The following LCOR variants were observed in gnomAD, a reference collection of about 807,000 sequenced individuals.
LCOR encodes the protein ligand-dependent corepressor.
Under a neutral mutation model 64.4 loss-of-function variants are expected in LCOR, and 14 were observed. That is an observed-to-expected ratio of 0.22 (90% confidence interval 0.14 to 0.34). The LOEUF (loss-of-function observed/expected upper bound fraction) is 0.34. LCOR is among the 10% of genes least tolerant of loss of function. The pLI, the probability that LCOR is intolerant of heterozygous loss-of-function variation, is 1.00. For synonymous variants in LCOR, 643 were observed against 642.5 expected (o/e 1.00, Z -0.01); for missense variants, 1,686 against 1,765.3 (o/e 0.96, Z 0.80).
chr10:96,919,625 G>T (rs2134469704), intron 4 of LCOR, among the ~76,000 whole-genome samples: 1 of 152,134 alleles, frequency 6.6e-6, no homozygotes, highest in South Asian at 2.1e-4. Context: ...TTGTAAAATG[G>T]AAACTCTTTG....
At chr10:96,844,486 C>T (rs1010384178) in intron 2 of LCOR, among the ~76,000 whole-genome samples, 3 of 152,042 alleles carry the variant, frequency 2.0e-5, no homozygotes, top group Admixed American at 6.6e-5. Flanking sequence ...TTTGGTTTCT[C>T]TACCCATAAT....
Position 96,934,244 on chromosome 10 carries a change from A to G in LCOR, c.-183-9869A>G, listed in dbSNP as rs192576744. ...TTTTTGTGTAACTGAATTTAAGCCA[A>G]AAGTCCATTAAGTAAACAGTATAGG... On this transcript the variant is annotated intron_variant, in intron 4 of 7. Coordinates refer to ENST00000421806, the MANE Select transcript of LCOR (RefSeq NM_001346516.2). 6.3e-3 allele frequency among the ~76,000 whole-genome samples: 964 copies of G among 152,336 alleles called. 12 individuals carry two copies. Among genetic ancestry groups the G allele is most frequent in the African/African-American group, 0.022 (906 of 41,574 alleles).
At chr10:96,844,095 C>T (rs7910762) in intron 2 of LCOR, among the ~76,000 whole-genome samples, 2 of 99,494 alleles carry the variant, frequency 2.0e-5, no homozygotes, top group African/African-American at 1.2e-4. Context: ...TTCCCACCCT[C>T]CCTCCCTCCC....
rs1848095833 is a variant in LCOR, at chr10:96,982,252, A to C, written c.1792A>C (p.Ile598Leu). Residue 598 changes from isoleucine (I) to leucine (L), a missense_variant, in exon 8 of 8, where the codon ATT (isoleucine) becomes CTT (leucine). Transcript: ENST00000421806. ...AGAGCCTGAGGTTTGCCCCACAAAG[A>C]TTAAGCCGAACCTGAGCAGCTCCCC... is the stretch of plus-strand genomic sequence containing the variant. ...PQEPEVCPTK[I>L]KPNLSSSPRS... 5 of 1,614,168 alleles carry C rather than the reference A, an allele frequency of 3.1e-6. No homozygotes were observed. Among genetic ancestry groups the C allele is most frequent in the Non-Finnish European group, 4.2e-6 (5 of 1,180,030 alleles).
intron 7 of LCOR, among the ~76,000 whole-genome samples, chr10:96,978,972 A>G (rs1848059958): frequency 6.6e-6 from 1 of 152,224 alleles, no homozygotes; most frequent in Admixed American, 6.5e-5. Flanking sequence ...GAGATGACGT[A>G]ACTTGCCTAA....
At chr10:96,891,980 CTT>C (rs1337891238) in intron 2 of LCOR, among the ~76,000 whole-genome samples, 2 of 152,264 alleles carry the variant, frequency 1.3e-5, no homozygotes, top group East Asian at 3.9e-4. Context: ...TGATTTCAGT[CTT>C]TTGAAATTTA....
At chr10:96,938,239 AC>A (rs754694698) in intron 4 of LCOR, among the ~76,000 whole-genome samples, 9 of 143,410 alleles carry the variant, frequency 6.3e-5, no homozygotes, top group Non-Finnish European at 1.2e-4. Flanking sequence ...GAGCCGCTGT[AC>A]CTGGCTGGTT....
intron 2 of LCOR, among the ~76,000 whole-genome samples, chr10:96,834,007 G>A (rs900547592): frequency 2.6e-5 from 4 of 152,046 alleles, no homozygotes; most frequent in African/African-American, 9.7e-5. Context: ...TTGACAGGAG[G>A]GTCTGCCCTT....
chr10:96,952,911 T>C (rs1261173386), intron 7 of LCOR, among the ~76,000 whole-genome samples: 1 of 152,192 alleles, frequency 6.6e-6, no homozygotes, highest in Non-Finnish European at 1.5e-5. Flanking sequence ...AAATCAACTT[T>C]AGATATGAAA....
chr10:96,884,082 A>C (rs1421912042), intron 2 of LCOR, among the ~76,000 whole-genome samples: 1 of 152,200 alleles, frequency 6.6e-6, no homozygotes, highest in Non-Finnish European at 1.5e-5. Flanking sequence ...TAAATTATTC[A>C]AGTTCAGGGA....
rs1564595455 is a variant in LCOR, at chr10:96,833,470, C to T, written c.-339C>T. 3.0e-6 allele frequency: 3 copies of T among 985,926 alleles called. No homozygotes were observed. The highest frequency in any genetic ancestry group is 3.6e-6 in the Non-Finnish European group (3 of 829,970). The allele number at this position is 985,926 out of a possible 1,614,324, so 61.1% of individuals were successfully genotyped here. ...GGGCTTAACTCATATATTTAACCCC[C>T]CTCCAAAAAGTAAGTGGCCCGTGTG... On this transcript the variant is annotated 5_prime_UTR_variant, in exon 2 of 8. Coordinates refer to ENST00000421806, the MANE Select transcript of LCOR (RefSeq NM_001346516.2).
Position 96,980,826 on chromosome 10 carries a change from T to G in LCOR, c.366T>G (p.Ser122=). 1 of 702,944 alleles carries G rather than the reference T, an allele frequency of 1.4e-6. No individual in the cohort carries two copies. The highest frequency in any genetic ancestry group is 2.6e-6 in the Non-Finnish European group (1 of 384,942). 43.5% of individuals were successfully genotyped at this position (702,944 alleles called of 1,614,324 possible). ...CAACAGAGGCAAAAGCAGTAGATTC[T>G]AACAATCAGTCGAAGTCCCCACTGG... ...ENSTEAKAVD[S]NNQSKSPLEK... Residue 122 remains serine, a synonymous_variant, in exon 8 of 8, where the codon TCT becomes TCG. Transcript: ENST00000421806.
chr10:96,947,058 C>T (rs1847601484), intron 5 of LCOR, among the ~76,000 whole-genome samples: 1 of 152,016 alleles, frequency 6.6e-6, no homozygotes, highest in African/African-American at 2.4e-5. Context: ...CGTTAAATGA[C>T]TGTTTGGAAA....
intron 2 of LCOR, among the ~76,000 whole-genome samples, chr10:96,904,922 C>T (rs751334403): frequency 5.3e-5 from 8 of 152,126 alleles, no homozygotes; most frequent in African/African-American, 1.4e-4. Flanking sequence ...TAGCAAAATA[C>T]GACTTTACAG....
intron 7 of LCOR, among the ~76,000 whole-genome samples, chr10:96,976,034 T>C (rs1489203074): frequency 6.6e-6 from 1 of 152,110 alleles, no homozygotes; most frequent in Non-Finnish European, 1.5e-5. Context: ...AATTGAGTTT[T>C]ACCAAGCACA....
At position 96,995,082 on chromosome 10, in the gene LCOR, T is replaced by C. The variant is rs1240524641; in HGVS notation, c.*9948T>C. ...GTGCCACGTTGGATTTTTATTCTTA[T>C]TAGGCCGCAACCTTTCTGAATGAGT... On this transcript the variant is annotated 3_prime_UTR_variant, in exon 8 of 8. Transcript: ENST00000421806. The surrounding 1 kb of genome is among the most constrained non-coding windows in gnomAD (Gnocchi z 4.2). 1 of 152,254 alleles carries C rather than the reference T, an allele frequency of 6.6e-6. No individual in the cohort carries two copies. The highest frequency in any genetic ancestry group is 1.5e-5 in the Non-Finnish European group (1 of 68,048). The allele number at this position is 152,254 out of a possible 1,614,324, so 9.4% of individuals were successfully genotyped here. A position where few individuals can be genotyped will look rare whatever the true frequency, so the allele number is the denominator to read the frequency against.
At position 96,980,902 on chromosome 10, in the gene LCOR, G is replaced by A; in HGVS notation, c.442G>A (p.Val148Ile). ...CTHHQKQFIRVLNDLYTESQP... is the reference protein window; with the variant it reads ...CTHHQKQFIRILNDLYTESQP... Reference sequence around the variant, plus strand: ...TCATCATCAAAAGCAATTCATTCGTGTTCTGAACGACCTGTACACTGAATC... The same window carrying A: ...TCATCATCAAAAGCAATTCATTCGTATTCTGAACGACCTGTACACTGAATC... Residue 148 changes from valine (V) to isoleucine (I), a missense_variant, in exon 8 of 8, where the codon GTT becomes ATT. This residue lies in a region of LCOR where 313 missense variants were observed against 247.2 expected (regional missense o/e 1.27). Coordinates refer to ENST00000421806, the MANE Select transcript of LCOR (RefSeq NM_001346516.2). 1 of 702,998 alleles carries A rather than the reference G, an allele frequency of 1.4e-6. No individual in the cohort carries two copies. Among genetic ancestry groups the A allele is most frequent in the Non-Finnish European group, 2.6e-6 (1 of 385,010 alleles). 43.5% of individuals were successfully genotyped at this position (702,998 alleles called of 1,614,324 possible).
intron 2 of LCOR, among the ~76,000 whole-genome samples, chr10:96,846,580 C>A (rs1564600900): frequency 6.6e-6 from 1 of 152,164 alleles, no homozygotes; most frequent in Non-Finnish European, 1.5e-5. Flanking sequence ...CAAAACAAAT[C>A]AAAATAAAGC....
At chr10:96,965,887 G>T (rs944048771) in intron 7 of LCOR, among the ~76,000 whole-genome samples, 1 of 151,920 alleles carries the variant, frequency 6.6e-6, no homozygotes, top group Non-Finnish European at 1.5e-5. Context: ...ATTTCCTGCC[G>T]TTACTCATTA....
Sources: gnomAD v4.1 joint callset for allele counts (sites outside exome capture counted in the v4.1 genomes callset) on GRCh38, gnomAD v4.1.1 for gene constraint, gnomAD v4.1.1 regional missense constraint, Gnocchi (gnomAD v3.1) non-coding constraint, MANE v1.5 for transcripts, NCBI Gene and HGNC (gene_info 2026-07-23, HGNC 2026-07-21) for gene names.